The following NVL variants were observed in gnomAD, a reference collection of about 807,000 sequenced individuals.
The protein encoded by NVL is nuclear VCP like, also known as nuclear valosin-containing protein-like.
In NVL, 84 loss-of-function variants were observed where a neutral mutation model predicts 110.2. The observed-to-expected ratio is 0.76, with a 90% CI of 0.64 to 0.91. The LOEUF is 0.91. Ranked by LOEUF, NVL falls within the 40% of genes least tolerant of loss-of-function variation. The pLI is 0.00. For missense variants in NVL, 882 were observed against 1,035.9 expected (o/e 0.85, Z 2.04); for synonymous variants, 354 against 361.1 (o/e 0.98, Z 0.22).
chr1:224,271,294 A>C (rs1195962327), intron 17 of NVL, among the ~76,000 whole-genome samples: 4 of 151,904 alleles, frequency 2.6e-5, no homozygotes, highest in Admixed American at 6.6e-5. Context: ...GAAGTTCAAT[A>C]CAAGCCTGGG....
intron 18 of NVL, among the ~76,000 whole-genome samples, chr1:224,265,004 C>CA (rs1359578870): frequency 1.3e-5 from 2 of 152,102 alleles, no homozygotes; most frequent in Non-Finnish European, 2.9e-5. Context: ...CTCGGCCTCC[C>CA]AAAGTGTTGG....
intron 5 of NVL, among the ~76,000 whole-genome samples, chr1:224,311,518 G>A (rs1669522003): frequency 6.6e-6 from 1 of 151,862 alleles, no homozygotes. Context: ...ACAGGTGCAT[G>A]CCACCATGCC....
intron 18 of NVL, among the ~76,000 whole-genome samples, chr1:224,251,102 C>T (rs1038972395): frequency 4.7e-5 from 7 of 150,008 alleles, no homozygotes; most frequent in Admixed American, 4.0e-4. Context: ...GGTGAAACCC[C>T]GTCTCTGCTA....
intron 6 of NVL, among the ~76,000 whole-genome samples, chr1:224,305,851 G>A (rs1175426233): frequency 6.6e-6 from 1 of 152,192 alleles, no homozygotes; most frequent in African/African-American, 2.4e-5. Context: ...CCCTCTTTCA[G>A]TTAGATTTAA....
intron 19 of NVL, among the ~76,000 whole-genome samples, chr1:224,239,739 G>T (rs1339636995): frequency 2.0e-5 from 3 of 152,084 alleles, no homozygotes; most frequent in Non-Finnish European, 4.4e-5. Flanking sequence ...GCATTTCTTG[G>T]ACCTTCATCA....
At chr1:224,293,431 G>A (rs945524762) in intron 12 of NVL, among the ~76,000 whole-genome samples, 2 of 152,040 alleles carry the variant, frequency 1.3e-5, no homozygotes, top group Non-Finnish European at 2.9e-5. Flanking sequence ...AGATAGTCTC[G>A]CTTATGAAGT....
Position 224,275,344 on chromosome 1 carries a change from G to T in NVL, c.2077C>A (p.Arg693=). The T allele has an allele frequency of 6.2e-7, 1 of 1,613,994 alleles. No homozygotes were observed. Among genetic ancestry groups the T allele is most frequent in the East Asian group, 2.2e-5 (1 of 44,868 alleles). ...CACTAGTCCATGATACTTACCTCTC[G>T]GTCTGATCTTCGAGGACATAAAGCA... ...VDALCPRRSD[R]ETGASVRVVN... The change falls in exon 17 of 23, where the codon CGA becomes AGA. Residue 693 remains arginine (R), a synonymous_variant. Coordinates refer to ENST00000281701, the MANE Select transcript of NVL (RefSeq NM_002533.4).
At chr1:224,320,737 AC>A (rs1262308043) in intron 2 of NVL, among the ~76,000 whole-genome samples, 6 of 152,122 alleles carry the variant, frequency 3.9e-5, no homozygotes, top group Non-Finnish European at 7.4e-5. Context: ...CACAACCTCA[AC>A]CTCCTGGTCT....
Position 224,317,893 on chromosome 1 carries a change from T to A in NVL, c.169A>T (p.Ile57Phe). ...TAAGACTCACCTTTTTCTACCTGAA[T>A]CCTAAAAGCATTTCTTTTTCTTCGA... ...YGRRKRNAFR[I>F]QVEKVFSIIS... The change falls in exon 3 of 23, where the codon ATT (isoleucine) becomes TTT (phenylalanine). Residue 57 changes from isoleucine (I) to phenylalanine (F), a missense_variant. This residue lies in a region of NVL where 274 missense variants were observed against 268.4 expected (regional missense o/e 1.02). Coordinates refer to ENST00000281701, the MANE Select transcript of NVL (RefSeq NM_002533.4). 2 of 1,598,316 alleles carry A rather than the reference T, an allele frequency of 1.3e-6. No individual in the cohort carries two copies. The highest frequency in any genetic ancestry group is 8.6e-7 in the Non-Finnish European group (1 of 1,168,128).
chr1:224,245,732 G>A (rs1347366537), intron 19 of NVL, among the ~76,000 whole-genome samples: 2 of 151,914 alleles, frequency 1.3e-5, no homozygotes, highest in East Asian at 3.9e-4. Context: ...GAGGTGGGTG[G>A]ATCACCAGGT....
chr1:224,257,865 G>T (rs528436010), intron 18 of NVL, among the ~76,000 whole-genome samples: 1 of 152,170 alleles, frequency 6.6e-6, no homozygotes, highest in East Asian at 1.9e-4. Flanking sequence ...ACACTCAAAA[G>T]AATCAATTTG....
At chr1:224,273,189 G>T (rs1034864929) in intron 17 of NVL, among the ~76,000 whole-genome samples, 3 of 152,082 alleles carry the variant, frequency 2.0e-5, no homozygotes, top group African/African-American at 7.2e-5. Flanking sequence ...GAGGATGGTG[G>T]ATCACTTGAG....
At chr1:224,325,994 G>T (rs574895185) in intron 2 of NVL, among the ~76,000 whole-genome samples, 1 of 152,046 alleles carries the variant, frequency 6.6e-6, no homozygotes, top group African/African-American at 2.4e-5. Context: ...TCACCATGTT[G>T]CCCAGGCTGG....
At chr1:224,287,328 T>C (rs749984205) in intron 14 of NVL, among the ~76,000 whole-genome samples, 30 of 152,120 alleles carry the variant, frequency 2.0e-4, no homozygotes, top group Admixed American at 1.3e-4. Flanking sequence ...AATAGTTAGA[T>C]AGGAGTAATA....
At chr1:224,266,424 T>C (rs140781616) in intron 18 of NVL, among the ~76,000 whole-genome samples, 1 of 152,356 alleles carries the variant, frequency 6.6e-6, no homozygotes, top group East Asian at 1.9e-4. Flanking sequence ...GGTTTCTTCC[T>C]GTCCAGGCCA....
Position 224,273,706 on chromosome 1 carries a change from A to C in NVL, c.2082+1633T>G, listed in dbSNP as rs372231689. Among the ~76,000 whole-genome samples, 3 of 152,310 alleles carry C rather than the reference A, an allele frequency of 2.0e-5. No individual in the cohort carries two copies. The South Asian group carries it at 6.2e-4, about 32-fold the overall frequency. On this transcript the variant is annotated intron_variant, in intron 17 of 22. Coordinates refer to ENST00000281701, the MANE Select transcript of NVL (RefSeq NM_002533.4). ...GAGAGAGAATAAAAAGGAAAGGAAT[A>C]AAATCCAGAGCATGCTGTGCCCTAA...
chr1:224,246,806 T>G (rs773576424), intron 19 of NVL, among the ~76,000 whole-genome samples: 1 of 151,622 alleles, frequency 6.6e-6, no homozygotes, highest in Non-Finnish European at 1.5e-5. Flanking sequence ...GAGGCCGTGG[T>G]GGGCGGATCA....
intron 18 of NVL, among the ~76,000 whole-genome samples, chr1:224,265,133 T>C (rs1424051688): frequency 6.6e-6 from 1 of 152,054 alleles, no homozygotes; most frequent in Non-Finnish European, 1.5e-5. Flanking sequence ...GAAGACAATA[T>C]ACACACATAG....
chr1:224,303,825 G>C lies in NVL; in HGVS notation c.858C>G (p.His286Gln). Residue 286 changes from histidine to glutamine, a missense_variant, in exon 9 of 23, where the codon CAC becomes CAG. Physicochemically the swap from His to Gln is conservative, Grantham distance 24 (BLOSUM62 0). Around this residue, in one of 4 missense-constraint regions of NVL, gnomAD observed 416 missense variants for 499.3 expected, o/e 0.83. Coordinates refer to ENST00000281701, the MANE Select transcript of NVL (RefSeq NM_002533.4). Reference sequence around the variant, plus strand: ...CGCCCAGGTGGTGGTACACCTCCGGGTGACGCATGTGTATGAGCATCTTGC... The same window carrying C: ...CGCCCAGGTGGTGGTACACCTCCGGCTGACGCATGTGTATGAGCATCTTGC... ...EVCKMLIHMR[H>Q]PEVYHHLGVV... 1 of 1,613,832 alleles carries C rather than the reference G, an allele frequency of 6.2e-7. No homozygotes were observed. Among genetic ancestry groups the C allele is most frequent in the East Asian group, 2.2e-5 (1 of 44,854 alleles).
Sources: allele counts gnomAD v4.1 joint callset (sites outside exome capture counted in the v4.1 genomes callset), GRCh38; gene constraint gnomAD v4.1.1; regional missense constraint gnomAD v4.1.1; transcripts MANE v1.5; gene names NCBI Gene and HGNC (gene_info 2026-07-23, HGNC 2026-07-21).